Variants in SPATA7 observed in about 807,000 individuals in gnomAD.
The protein encoded by SPATA7 is spermatogenesis-associated protein 7.
A neutral mutation model predicts 51.8 loss-of-function variants in SPATA7; 43 were observed. That is an observed-to-expected ratio of 0.83 (90% CI 0.65 to 1.07). The LOEUF (loss-of-function observed/expected upper bound fraction) is 1.07, where lower values mean the gene tolerates loss of function less well. Ranked by LOEUF, SPATA7 falls within the 50% of genes least tolerant of loss-of-function variation. The pLI is 0.00. For synonymous variants in SPATA7, 230 were observed against 252.8 expected, an observed-to-expected ratio of 0.91 and a Z score of 0.86; for missense variants, 683 against 701.3, an observed-to-expected ratio of 0.97 and a Z score of 0.30.
At chr14:88,438,916 C>CTA (rs766731993), downstream of SPATA7, among the ~76,000 whole-genome samples, 2 of 152,188 alleles carry the variant, frequency 1.3e-5, no homozygotes, top group Non-Finnish European at 2.9e-5. Context: ...GAGTGACTTT[C>CTA]TATCACCTTT....
intron 5 of SPATA7, among the ~76,000 whole-genome samples, chr14:88,425,265 CTTCTA>C (rs1403907478): frequency 3.9e-5 from 6 of 152,154 alleles, no homozygotes; most frequent in Non-Finnish European, 7.3e-5. Flanking sequence ...TATTATTCCT[CTTCTA>C]TTCAATGTCA....
intron 3 of SPATA7, among the ~76,000 whole-genome samples, chr14:88,446,964 A>C (rs1170476732): frequency 6.6e-6 from 1 of 152,144 alleles, no homozygotes; most frequent in Non-Finnish European, 1.5e-5. Context: ...CATTCTGTTG[A>C]TTTGGGGTGA....
At chr14:88,464,952 T>A (rs577713969) in intron 4 of SPATA7, among the ~76,000 whole-genome samples, 1 of 152,180 alleles carries the variant, frequency 6.6e-6, no homozygotes, top group Non-Finnish European at 1.5e-5. Flanking sequence ...GGCCACGTCA[T>A]GCTGTCGCCA....
chr14:88,448,627 TG>T (rs1003749175), intron 3 of SPATA7, among the ~76,000 whole-genome samples: 31 of 152,146 alleles, frequency 2.0e-4, no homozygotes, highest in African/African-American at 7.2e-4. Flanking sequence ...TATCTACTTT[TG>T]GTCTTTGATG....
At chr14:88,392,932 T>A (rs1209567703) in intron 2 of SPATA7, among the ~76,000 whole-genome samples, 2 of 151,924 alleles carry the variant, frequency 1.3e-5, no homozygotes, top group Non-Finnish European at 2.9e-5. Flanking sequence ...GGTATGTAGA[T>A]CTTGTTTTCA....
chr14:88,455,037 T>A (rs2077275432), intron 3 of SPATA7: 1 of 455,674 alleles, frequency 2.2e-6, no homozygotes, highest in East Asian at 6.9e-5. Flanking sequence ...GGGTCAAGGC[T>A]CAAGAATTTG....
intron 4 of SPATA7, among the ~76,000 whole-genome samples, chr14:88,401,060 G>C (rs1045430928): frequency 6.6e-6 from 1 of 152,068 alleles, no homozygotes; most frequent in African/African-American, 2.4e-5. Flanking sequence ...AAAGCTACAG[G>C]CCAATATATC....
At chr14:88,398,925 G>A (rs367582184) in intron 4 of SPATA7, among the ~76,000 whole-genome samples, 26 of 151,820 alleles carry the variant, frequency 1.7e-4, no homozygotes, top group African/African-American at 6.0e-4. Context: ...GGTGGCAGGC[G>A]CCTGTAGTCC....
At chr14:88,401,792 G>A (rs926079640) in intron 4 of SPATA7, among the ~76,000 whole-genome samples, 25 of 140,870 alleles carry the variant, frequency 1.8e-4, no homozygotes, top group Admixed American at 7.4e-4. Flanking sequence ...GGCTTTGACC[G>A]TGCCACTGAA....
In SPATA7 at chr14:88,438,396, A is replaced by T. The variant is rs2077151950; in HGVS notation, c.1774A>T (p.Ile592Phe). ...AACTCTTAAAATCATGGAAATGAGC[A>T]TTGAGGACTGCCCTTTGGATGTTTA... The part of the protein sequence containing the change: ...LSTLKIMEMS[I>F]EDCPLDV Residue 592 changes from isoleucine to phenylalanine, a missense_variant, in exon 12 of 12, where the codon ATT (isoleucine) becomes TTT (phenylalanine). Ile to Phe is a conservative substitution (Grantham distance 21). Coordinates refer to ENST00000393545, the MANE Select transcript of SPATA7 (RefSeq NM_018418.5). 2 of 1,613,936 alleles carry T rather than the reference A, an allele frequency of 1.2e-6. No homozygotes were observed. The highest frequency in any genetic ancestry group is 2.7e-5 in the African/African-American group (2 of 75,072).
At chr14:88,429,263 A>G in intron 7 of SPATA7, 85 bp from the exon 8 acceptor site, 2 of 735,938 alleles carry the variant, frequency 2.7e-6, no homozygotes, top group South Asian at 2.9e-5. Flanking sequence ...ATCTCTGTTC[A>G]ATCACTTAAA....
rs2297129 is a variant in SPATA7 at position 88,469,581 on chromosome 14, A to G, written c.255-266A>G. On this transcript the variant is annotated intron_variant, in intron 4 of 4. Transcript: ENST00000556406. This position sits in a 1 kb window ranked among gnomAD's most constrained non-coding sequence, Gnocchi z 4.3. Reference sequence around the variant, plus strand: ...GGTGCCAGACGGTCCTCTCTTGCCCAGTAAGGAGGTGCTTCATCTTCAGGC... The same window carrying G: ...GGTGCCAGACGGTCCTCTCTTGCCCGGTAAGGAGGTGCTTCATCTTCAGGC... 0.34 allele frequency: 551,229 copies of G among 1,613,620 alleles called. 96,550 individuals carry two copies. Among genetic ancestry groups the G allele is most frequent in the African/African-American group, 0.5 (37,584 of 74,878 alleles).
At chr14:88,426,149 CA>C (rs1193370340) in intron 5 of SPATA7, 82 bp from the exon 6 acceptor site, 3 of 992,342 alleles carry the variant, frequency 3.0e-6, no homozygotes, top group Admixed American at 4.0e-5. Flanking sequence ...TTGAGGCTAT[CA>C]TTTTTTTAAT....
chr14:88,442,172 C>CAGTT (rs2077182326), downstream of SPATA7, among the ~76,000 whole-genome samples: 1 of 149,352 alleles, frequency 6.7e-6, no homozygotes. Context: ...GTCTATATGC[C>CAGTT]TGTTTGTTTG....
chr14:88,391,096 C>T (rs2075731599), intron 1 of SPATA7, among the ~76,000 whole-genome samples: 3 of 152,104 alleles, frequency 2.0e-5, no homozygotes, highest in Admixed American at 2.0e-4. Flanking sequence ...ATGTGTCCTC[C>T]TTGTTATAGC....
At position 88,389,238 on chromosome 14, in the gene SPATA7, T is replaced by A. The variant is rs1023108685; in HGVS notation, c.20-2143T>A. On this transcript the variant is annotated intron_variant, in intron 1 of 11. Transcript: ENST00000393545. ...TTTTTTTTTCCTTTCTCTTTCTTTT[T>A]TCTTTTTTCGAGACAGGGTCTTATT... is the stretch of plus-strand genomic sequence containing the variant. Among the ~76,000 whole-genome samples the A allele has an allele frequency of 3.3e-5, 5 of 152,038 alleles. No individual in the cohort carries two copies. In the South Asian group the frequency reaches 1.0e-3, roughly 32 times the overall value.
At chr14:88,411,780 A>G (rs897495219) in intron 4 of SPATA7, among the ~76,000 whole-genome samples, 29 of 152,114 alleles carry the variant, frequency 1.9e-4, no homozygotes, top group African/African-American at 6.8e-4. Flanking sequence ...GGTTGGTTCC[A>G]TATCTTTGCT....
chr14:88,468,185 A>T, intron 4 of SPATA7: 1 of 1,613,460 alleles, frequency 6.2e-7, no homozygotes, highest in Non-Finnish European at 8.5e-7. Context: ...CTCTGTACAC[A>T]AATGTGTACT....
chr14:88,410,952 T>C (rs565739558), intron 4 of SPATA7, among the ~76,000 whole-genome samples: 1 of 152,218 alleles, frequency 6.6e-6, no homozygotes, highest in South Asian at 2.1e-4. Flanking sequence ...GGCAGGAACA[T>C]TTAAGTCTGC....
Sources: gnomAD v4.1 joint callset for allele counts (sites outside exome capture counted in the v4.1 genomes callset) on GRCh38, gnomAD v4.1.1 for gene constraint, Gnocchi (gnomAD v3.1) non-coding constraint, MANE v1.5 for transcripts, NCBI Gene and HGNC (gene_info 2026-07-23, HGNC 2026-07-21) for gene names.